SMG6: variants seen among roughly 807,000 people sequenced by gnomAD.
SMG6 encodes SMG6 nonsense mediated mRNA decay factor.
In SMG6, 66 loss-of-function variants were observed where a neutral mutation model predicts 142.2. The ratio of observed to expected loss-of-function variants is 0.46; its 90% confidence interval spans 0.38 to 0.57. The LOEUF is 0.57. Ranked by LOEUF, SMG6 falls within the 20% of genes least tolerant of loss-of-function variation. The pLI is 0.00. For synonymous variants in SMG6, 779 were observed against 702.4 expected, an observed-to-expected ratio of 1.11 and a Z score of -1.72; for missense variants, 1,793 against 1,832.0, an observed-to-expected ratio of 0.98 and a Z score of 0.39.
chr17:2,156,094 TTAGA>T (rs1166705685), intron 13 of SMG6, among the ~76,000 whole-genome samples: 1 of 150,258 alleles, frequency 6.7e-6, no homozygotes, highest in African/African-American at 2.4e-5. Flanking sequence ...GGCACTCAGA[TTAGA>T]TAGAGCTCAG....
intron 8 of SMG6, among the ~76,000 whole-genome samples, chr17:2,258,038 T>TACACACACAC (rs869173398): frequency 1.1e-5 from 1 of 89,280 alleles, no homozygotes; most frequent in Non-Finnish European, 2.2e-5. Flanking sequence ...AAAAAAAATA[T>TACACACACAC]ACACACACAC....
At chr17:2,161,359 C>A (rs1324562580) in intron 13 of SMG6, among the ~76,000 whole-genome samples, 1 of 151,920 alleles carries the variant, frequency 6.6e-6, no homozygotes, top group Non-Finnish European at 1.5e-5. Flanking sequence ...CCTGCCTCGG[C>A]CTCTCAAAGT....
rs771677096 is a variant in SMG6, at chr17:2,303,623, C to A, written c.88+10G>T. 9.7e-6 allele frequency: 14 copies of A among 1,447,492 alleles called. No homozygotes were observed. The highest frequency in any genetic ancestry group is 1.3e-5 in the Non-Finnish European group (14 of 1,104,996). 89.7% of individuals were successfully genotyped at this position (1,447,492 alleles called of 1,614,324 possible). On this transcript the variant is annotated intron_variant, in intron 1 of 18. Transcript: ENST00000263073. ...CAGGCCCGGCCCAGGAGCTGGGCGG[C>A]GCGACTCACCTCTGCTCCCGGCCTG...
intron 13 of SMG6, among the ~76,000 whole-genome samples, chr17:2,150,886 TAA>T (rs75789427): frequency 2.1e-5 from 3 of 145,016 alleles, no homozygotes; most frequent in Non-Finnish European, 3.0e-5. Flanking sequence ...TGTGAAGGAT[TAA>T]AAAAAAAAAA....
intron 15 of SMG6, among the ~76,000 whole-genome samples, chr17:2,077,095 C>G (rs1174405699): frequency 1.3e-5 from 2 of 152,176 alleles, no homozygotes; most frequent in Admixed American, 1.3e-4. Flanking sequence ...TACGGACGCT[C>G]ATTCACACTT....
chr17:2,299,494 T>C lies in SMG6; in HGVS notation c.1259A>G (p.Asn420Ser), dbSNP rs1451322247. 8.1e-6 allele frequency: 13 copies of C among 1,614,016 alleles called. No homozygotes were observed. Among genetic ancestry groups the C allele is most frequent in the African/African-American group, 2.7e-5 (2 of 74,914 alleles). Residue 420 changes from asparagine to serine, a missense_variant, in exon 2 of 19, where the codon AAT becomes AGT. By Grantham distance (46) the Asn-to-Ser change is conservative. Coordinates refer to ENST00000263073, the MANE Select transcript of SMG6 (RefSeq NM_017575.5). The surrounding 1 kb of genome is among the most constrained non-coding windows in gnomAD (Gnocchi z 4.3). ...CGCGGACTCTGGAGAACCTGCTGAA[T>C]TGACAGATAGGGTGGTATGGGCAGG... ...ILPAHTTLSV[N>S]SAGSPESAPL... is the part of the protein sequence containing the mutation.
intron 10 of SMG6, among the ~76,000 whole-genome samples, chr17:2,227,915 A>G (rs900744599): frequency 1.3e-5 from 2 of 152,238 alleles, no homozygotes; most frequent in Non-Finnish European, 2.9e-5. Context: ...GATTACTGCA[A>G]TGAAAATAAA....
At chr17:2,150,668 TA>T (rs1317779047) in intron 13 of SMG6, among the ~76,000 whole-genome samples, 8 of 152,278 alleles carry the variant, frequency 5.3e-5, no homozygotes, top group Admixed American at 5.2e-4. Flanking sequence ...TTCTTCCTAT[TA>T]CACTTTATAT....
At chr17:2,091,010 T>C (rs916804657) in intron 13 of SMG6, among the ~76,000 whole-genome samples, 7 of 152,210 alleles carry the variant, frequency 4.6e-5, no homozygotes, top group African/African-American at 1.4e-4. Context: ...GGGTTAATTA[T>C]CATCTTTAAT....
At chr17:2,242,689 T>TAAAAAAAAA (rs57079220) in intron 9 of SMG6, among the ~76,000 whole-genome samples, 33 of 55,846 alleles carry the variant, frequency 5.9e-4, no homozygotes, top group Middle Eastern at 0.014. Flanking sequence ...TCCATCTCTT[T>TAAAAAAAAA]AAAAAAAAAA....
At position 2,061,372 on chromosome 17, in the gene SMG6, G is replaced by A. The variant is rs1041197647; in HGVS notation, c.*120C>T. 3 of 1,002,734 alleles carry A rather than the reference G, an allele frequency of 3.0e-6. No homozygotes were observed. The highest frequency in any genetic ancestry group is 4.3e-6 in the Non-Finnish European group (3 of 690,096). The allele number at this position is 1,002,734 out of a possible 1,614,324, so 62.1% of individuals were successfully genotyped here. A position where few individuals can be genotyped will look rare whatever the true frequency, so the allele number is the denominator to read the frequency against. ...ATGGCCGTGGCGTGGGTTGGAAGAGGATGGTTTATTGTCTGGGTGGATTGG... is the reference window on the plus strand; with the variant it reads ...ATGGCCGTGGCGTGGGTTGGAAGAGAATGGTTTATTGTCTGGGTGGATTGG... On this transcript the variant is annotated 3_prime_UTR_variant, in exon 19 of 19. Coordinates refer to ENST00000263073, the MANE Select transcript of SMG6 (RefSeq NM_017575.5).
chr17:2,228,394 A>G (rs1030568968), intron 10 of SMG6, among the ~76,000 whole-genome samples: 2 of 147,742 alleles, frequency 1.4e-5, no homozygotes, highest in Non-Finnish European at 3.0e-5. Flanking sequence ...GTGCAGGGCT[A>G]ATTTTTGTAT....
chr17:2,237,993 A>G (rs1200844925), intron 9 of SMG6, among the ~76,000 whole-genome samples: 2 of 152,218 alleles, frequency 1.3e-5, no homozygotes, highest in Non-Finnish European at 2.9e-5. Flanking sequence ...ATAGCTTCTG[A>G]AAAGCCACAA....
At chr17:2,087,244 G>A (rs1255470899) in intron 13 of SMG6, 1 of 1,288,560 alleles carries the variant, frequency 7.8e-7, no homozygotes, top group South Asian at 1.2e-5. Flanking sequence ...GACAGCCCAG[G>A]GAAGCTCGGC....
chr17:2,100,282 C>T (rs1343694057), intron 13 of SMG6, among the ~76,000 whole-genome samples: 4 of 152,172 alleles, frequency 2.6e-5, no homozygotes, highest in Non-Finnish European at 5.9e-5. Context: ...AAATGACTCG[C>T]CCGCCTCGGC....
At chr17:2,291,113 C>T (rs999078027) in intron 6 of SMG6, among the ~76,000 whole-genome samples, 28 of 152,060 alleles carry the variant, frequency 1.8e-4, no homozygotes, top group African/African-American at 6.3e-4. Flanking sequence ...GGGCGGATCA[C>T]GAGGTCAGGA....
intron 14 of SMG6, chr17:2,082,188 G>A: frequency 1.8e-6 from 1 of 541,020 alleles, no homozygotes; most frequent in Admixed American, 3.1e-5. Context: ...TTCCCTCAGA[G>A]AGTTACACCA....
intron 6 of SMG6, among the ~76,000 whole-genome samples, chr17:2,290,703 C>T (rs2075011290): frequency 6.6e-6 from 1 of 152,182 alleles, no homozygotes; most frequent in African/African-American, 2.4e-5. Flanking sequence ...GCAAATCACA[C>T]ACCTGATAAA....
At chr17:2,145,596 G>A (rs1181452209) in intron 13 of SMG6, among the ~76,000 whole-genome samples, 6 of 125,560 alleles carry the variant, frequency 4.8e-5, no homozygotes, top group Non-Finnish European at 7.8e-5. Context: ...GGCCGAGATC[G>A]CGCCACTGCA....
Sources: gnomAD v4.1 joint callset for allele counts (sites outside exome capture counted in the v4.1 genomes callset) on GRCh38, gnomAD v4.1.1 for gene constraint, Gnocchi (gnomAD v3.1) non-coding constraint, MANE v1.5 for transcripts, NCBI Gene and HGNC (gene_info 2026-07-23, HGNC 2026-07-21) for gene names.